Variants in ACACB observed in about 807,000 individuals in gnomAD.
ACACB encodes acetyl-CoA carboxylase 2.
A neutral mutation model predicts 278.8 loss-of-function variants in ACACB; 209 were observed. That is an observed-to-expected ratio of 0.75 (90% CI 0.67 to 0.84). The LOEUF (loss-of-function observed/expected upper bound fraction) is 0.84, where lower values mean the gene tolerates loss of function less well. Among genes scored for constraint, ACACB ranks in the 40% least tolerant of loss-of-function variants. The pLI is 0.00. For synonymous variants in ACACB, 1,174 were observed against 1,285.6 expected, an observed-to-expected ratio of 0.91 and a Z score of 1.86; for missense variants, 2,850 against 3,269.0, an observed-to-expected ratio of 0.87 and a Z score of 3.13.
At chr12:109,229,590 C>T (rs557745684) in intron 28 of ACACB, among the ~76,000 whole-genome samples, 90 of 152,140 alleles carry the variant, frequency 5.9e-4, no homozygotes, top group African/African-American at 2.1e-3. Flanking sequence ...AGTGCAACGG[C>T]GCGATCTCAG....
chr12:109,235,120 C>A (rs1426212417), intron 31 of ACACB, among the ~76,000 whole-genome samples, 193 bp from the exon 32 acceptor site: 2 of 152,122 alleles, frequency 1.3e-5, no homozygotes, highest in African/African-American at 4.8e-5. Flanking sequence ...CACTAATCTA[C>A]TTTCTCTCTA....
At chr12:109,252,669 C>T (rs2047127702) in intron 42 of ACACB, 1 of 189,272 alleles carries the variant, frequency 5.3e-6, no homozygotes, top group Non-Finnish European at 1.1e-5. Context: ...GGGAACTTGT[C>T]AGAAATGCAC....
At position 109,233,904 on chromosome 12, in the gene ACACB, C is replaced by G. The variant is rs759893522; in HGVS notation, c.4240-34C>G. 3 of 1,613,256 alleles carry G rather than the reference C, an allele frequency of 1.9e-6. No homozygotes were observed. The South Asian group carries it at 3.3e-5, about 18-fold the overall frequency. On this transcript the variant is annotated intron_variant, in intron 30 of 52. Coordinates refer to ENST00000338432, the MANE Select transcript of ACACB (RefSeq NM_001093.4). ...GAGCAGGTGGGCCGTGGCCCCCAGGCTTTCCAGCCCTACCCCTTGCTTCTC... is the reference window on the plus strand; with the variant it reads ...GAGCAGGTGGGCCGTGGCCCCCAGGGTTTCCAGCCCTACCCCTTGCTTCTC...
intron 37 of ACACB, among the ~76,000 whole-genome samples, chr12:109,242,852 G>A (rs887043264): frequency 6.6e-6 from 1 of 152,204 alleles, no homozygotes; most frequent in African/African-American, 2.4e-5. Flanking sequence ...TGTAGTCCCA[G>A]CTACTTGAAG....
chr12:109,149,463 T>G (rs1593406410), intron 2 of ACACB, among the ~76,000 whole-genome samples: 1 of 151,880 alleles, frequency 6.6e-6, no homozygotes, highest in Non-Finnish European at 1.5e-5. Flanking sequence ...GGCAGAAAAG[T>G]TTGTTAATTT....
intron 46 of ACACB, 83 bp downstream of exon 46, chr12:109,258,447 G>A: frequency 8.6e-7 from 1 of 1,157,426 alleles, no homozygotes; most frequent in Non-Finnish European, 1.2e-6. Flanking sequence ...TCCCATCCCT[G>A]CCCTGCCAAC....
rs542043733 is a variant in ACACB, at chr12:109,222,654, G to T, written c.3678+34G>T. 2.9e-5 allele frequency: 45 copies of T among 1,578,326 alleles called. 1 individual carries two copies. In the South Asian group the frequency reaches 4.2e-4, roughly 15 times the overall value. On this transcript the variant is annotated intron_variant, in intron 25 of 52. Coordinates refer to ENST00000338432, the MANE Select transcript of ACACB (RefSeq NM_001093.4). ...TCAGGGTGCGGTCCCCACGATGTGC[G>T]TTTCCCCCCACCCTCCTATGTGTCC...
chr12:109,233,990 A>C lies in ACACB; in HGVS notation c.4292A>C (p.Asp1431Ala). 1 of 1,614,076 alleles carries C rather than the reference A, an allele frequency of 6.2e-7. No homozygotes were observed. Among genetic ancestry groups the C allele is most frequent in the South Asian group, 1.1e-5 (1 of 91,048 alleles). The part of the protein sequence containing the change: ...HILNVSIQCA[D>A]HLEDEALVPI... Reference sequence around the variant, plus strand: ...CTGAATGTGTCCATCCAGTGTGCAGACCACCTGGAGGATGAGGCACTGGTG... The same window carrying C: ...CTGAATGTGTCCATCCAGTGTGCAGCCCACCTGGAGGATGAGGCACTGGTG... The change falls in exon 31 of 53, where the codon GAC becomes GCC. Residue 1431 changes from aspartate to alanine, a missense_variant. This residue lies in a region of ACACB where 2,265 missense variants were observed against 2,561.3 expected (regional missense o/e 0.88). Transcript: ENST00000338432.
At chr12:109,132,311 T>C (rs1404183831) in intron 1 of ACACB, among the ~76,000 whole-genome samples, 2 of 152,066 alleles carry the variant, frequency 1.3e-5, no homozygotes, top group African/African-American at 2.4e-5. Flanking sequence ...ATTACAGGCG[T>C]GCACCACCAC....
At chr12:109,181,809 G>A (rs1025485899) in intron 11 of ACACB, among the ~76,000 whole-genome samples, 9 of 145,332 alleles carry the variant, frequency 6.2e-5, no homozygotes, top group African/African-American at 2.3e-4. Flanking sequence ...GTCCTTGCTA[G>A]CACTTCTTTT....
At chr12:109,184,915 T>C (rs1483273353) in intron 11 of ACACB, among the ~76,000 whole-genome samples, 1 of 152,118 alleles carries the variant, frequency 6.6e-6, no homozygotes, top group Non-Finnish European at 1.5e-5. Flanking sequence ...TCTCATTATG[T>C]TGCCCAGGCT....
chr12:109,152,640 CT>C (rs34863094), intron 2 of ACACB, among the ~76,000 whole-genome samples: 427 of 74,858 alleles, frequency 5.7e-3, no homozygotes, highest in African/African-American at 0.018. Context: ...TTCTTTCTTT[CT>C]TTTTTTTTTT....
In ACACB at chr12:109,209,938, T is replaced by TGTGTGTATATATGTGTATACAC. The variant is rs2045653502; in HGVS notation, c.3249+585_3249+586insGTGTGTATATATGTGTATACAC. ...GTGTGTATATATGTGTATACACACA[T>TGTGTGTATATATGTGTATACAC]ACACACACGTGTGTGTATATATGTG... On this transcript the variant is annotated intron_variant, in intron 21 of 52. Transcript: ENST00000338432. Among the ~76,000 whole-genome samples the TGTGTGTATATATGTGTATACAC allele has an allele frequency of 5.7e-5, 4 of 69,582 alleles. 1 individual carries two copies. Among genetic ancestry groups the TGTGTGTATATATGTGTATACAC allele is most frequent in the Non-Finnish European group, 6.3e-5 (2 of 31,882 alleles). 45.6% of individuals were successfully genotyped at this position (69,582 alleles called of 152,430 possible). A position where few individuals can be genotyped will look rare whatever the true frequency, so the allele number is the denominator to read the frequency against.
chr12:109,188,148 G>A lies in ACACB; in HGVS notation c.2130G>A (p.Arg710=). Residue 710 remains arginine (R), a synonymous_variant, in exon 13 of 53, where the codon CGG becomes CGA. Transcript: ENST00000338432. ...ACTGCTTCTCCTGGGGAGAGAACCG[G>A]GAAGAGGCCATTTCGTCAGTATCTC... ...FGHCFSWGEN[R]EEAISNMVVA... is the part of the protein sequence containing the mutation. The A allele has an allele frequency of 6.2e-7, 1 of 1,601,620 alleles. No individual in the cohort carries two copies. The highest frequency in any genetic ancestry group is 8.5e-7 in the Non-Finnish European group (1 of 1,169,830).
chr12:109,228,466 C>T (rs1287367627), intron 28 of ACACB, among the ~76,000 whole-genome samples: 2 of 151,480 alleles, frequency 1.3e-5, no homozygotes, highest in East Asian at 1.9e-4. Flanking sequence ...GACACCAGCC[C>T]GGCCAACTTG....
rs137881698 is a variant in ACACB at position 109,232,792 on chromosome 12, C to T, written c.4125C>T (p.Phe1375=). The change falls in exon 29 of 53, where the codon TTC becomes TTT. Residue 1375 remains phenylalanine, a synonymous_variant. Coordinates refer to ENST00000338432, the MANE Select transcript of ACACB (RefSeq NM_001093.4). ...GAGCCATGGTAGCCTTCAGGAGATT[C>T]GAGGACTTCACCAGGTACCCAGCAT... ...RMGAMVAFRR[F]EDFTRNFDEV... 188 of 1,614,100 alleles carry T rather than the reference C, an allele frequency of 1.2e-4. No individual in the cohort carries two copies. In the African/African-American group the frequency reaches 2.0e-3, roughly 17 times the overall value.
At chr12:109,119,516 G>C (rs1309580580) in intron 1 of ACACB, among the ~76,000 whole-genome samples, 3 of 151,884 alleles carry the variant, frequency 2.0e-5, no homozygotes, top group African/African-American at 7.3e-5. Context: ...CTTGAACACA[G>C]GAGGTGGAGC....
At chr12:109,124,491 TCA>T (rs1337012849) in intron 1 of ACACB, among the ~76,000 whole-genome samples, 14 of 152,246 alleles carry the variant, frequency 9.2e-5, no homozygotes, top group African/African-American at 3.4e-4. Context: ...AACATAAAGT[TCA>T]GTTACCCCAC....
At position 109,166,678 on chromosome 12, in the gene ACACB, C is replaced by CA. The variant is rs1491297525; in HGVS notation, c.654-183_654-182insA. On this transcript the variant is annotated intron_variant, in intron 2 of 52. Coordinates refer to ENST00000338432, the MANE Select transcript of ACACB (RefSeq NM_001093.4). The stretch of plus-strand genomic sequence containing the variant: ...AAAAAAAAAAAAAAAAAAAAAAAAA[C>CA]CGAAGGTGCTTCCTGCCCTTGAGCC... Among the ~76,000 whole-genome samples the CA allele has an allele frequency of 1.0e-3, 70 of 68,140 alleles. 5 individuals carry two copies. Among genetic ancestry groups the CA allele is most frequent in the South Asian group, 9.2e-3 (17 of 1,838 alleles). The allele number at this position is 68,140 out of a possible 152,430, so 44.7% of individuals were successfully genotyped here.
Sources: allele counts gnomAD v4.1 joint callset (sites outside exome capture counted in the v4.1 genomes callset), GRCh38; gene constraint gnomAD v4.1.1; regional missense constraint gnomAD v4.1.1; transcripts MANE v1.5; gene names NCBI Gene and HGNC (gene_info 2026-07-23, HGNC 2026-07-21).